HDAC9: variants seen among roughly 807,000 people sequenced by gnomAD.
The protein encoded by HDAC9 is MEF-2 interacting transcription repressor (MITR) protein.
HDAC9 carries 41 observed loss-of-function variants against 139.4 expected under a neutral mutation model. That is an observed-to-expected ratio of 0.29 (90% CI 0.23 to 0.38). HDAC9 has a LOEUF of 0.38. Among genes scored for constraint, HDAC9 ranks in the 10% least tolerant of loss-of-function variants. The pLI is 1.00. For missense variants in HDAC9, 1,147 were observed against 1,297.0 expected (o/e 0.88, Z 1.78); for synonymous variants, 517 against 476.2 (o/e 1.09, Z -1.12).
At chr7:18,386,177 A>G (rs544367848) in intron 1 of HDAC9, among the ~76,000 whole-genome samples, 8 of 152,226 alleles carry the variant, frequency 5.3e-5, no homozygotes, top group Admixed American at 1.3e-4. Flanking sequence ...ACTCCCATAG[A>G]TTGCTTGTTT....
chr7:18,786,796 T>C (rs1476472), intron 16 of HDAC9, among the ~76,000 whole-genome samples: 8,768 of 39,866 alleles, frequency 0.22, 1,119 homozygotes, highest in Non-Finnish European at 0.33. Context: ...TCTTTCTTTC[T>C]TTCCTTCCTT....
chr7:18,691,283 A>C (rs368081522), intron 12 of HDAC9, among the ~76,000 whole-genome samples: 17 of 152,148 alleles, frequency 1.1e-4, no homozygotes, highest in Admixed American at 1.1e-3. Context: ...TTTGCAATTT[A>C]AGTATTTAAC....
chr7:18,524,861 CAT>C (rs1253243660), intron 2 of HDAC9, among the ~76,000 whole-genome samples: 2 of 135,640 alleles, frequency 1.5e-5, no homozygotes, highest in South Asian at 2.4e-4. Context: ...AACTTAGTGA[CAT>C]ACACACACAC....
chr7:18,719,291 T>A (rs1457420296), intron 12 of HDAC9, among the ~76,000 whole-genome samples: 2 of 151,014 alleles, frequency 1.3e-5, no homozygotes, highest in African/African-American at 2.4e-5. Context: ...CAACATTTTT[T>A]AACCTCAATG....
upstream of HDAC9, among the ~76,000 whole-genome samples, chr7:18,289,532 C>T (rs1047443172): frequency 3.9e-5 from 6 of 152,098 alleles, no homozygotes; most frequent in South Asian, 2.1e-4. Flanking sequence ...CCTAGCCAAT[C>T]AAAAGCAAGA....
intron 21 of HDAC9, among the ~76,000 whole-genome samples, chr7:18,839,621 C>A (rs534506394): frequency 1.3e-4 from 20 of 152,138 alleles, no homozygotes; most frequent in African/African-American, 4.8e-4. Flanking sequence ...GCGAACCTAG[C>A]AAAAGTCTGA....
At chr7:18,420,314 C>T (rs779293558) in intron 1 of HDAC9, among the ~76,000 whole-genome samples, 16 of 152,186 alleles carry the variant, frequency 1.1e-4, no homozygotes, top group Non-Finnish European at 2.4e-4. Flanking sequence ...TCACTGACTT[C>T]TCTCATGTTA....
chr7:18,730,065 C>T (rs1253848910), intron 13 of HDAC9, among the ~76,000 whole-genome samples: 4 of 152,196 alleles, frequency 2.6e-5, no homozygotes, highest in African/African-American at 4.8e-5. Context: ...CATCTTTACA[C>T]TGAAAATCTT....
Position 18,996,224 on chromosome 7 carries a change from G to A in HDAC9, c.*162G>A. On this transcript the variant is annotated 3_prime_UTR_variant, in exon 26 of 26. Transcript: ENST00000686413. ...TGAACAGCAGCTTCACTTGTTCTTT[G>A]GATGGACTTGAAAGGGCATTAAAGA... The A allele has an allele frequency of 1.8e-6, 1 of 540,750 alleles. No homozygotes were observed. Among genetic ancestry groups the A allele is most frequent in the Non-Finnish European group, 3.3e-6 (1 of 299,520 alleles). 33.5% of individuals were successfully genotyped at this position (540,750 alleles called of 1,614,324 possible).
intron 1 of HDAC9, among the ~76,000 whole-genome samples, chr7:18,332,454 G>T (rs2128648949): frequency 6.6e-6 from 1 of 151,096 alleles, no homozygotes; most frequent in East Asian, 2.0e-4. Flanking sequence ...CTTGACTGTT[G>T]CTTTTCTTCT....
At chr7:18,663,612 C>A (rs998821817) in intron 11 of HDAC9, among the ~76,000 whole-genome samples, 14 of 152,112 alleles carry the variant, frequency 9.2e-5, no homozygotes, top group Non-Finnish European at 2.1e-4. Flanking sequence ...TGGCAGGATC[C>A]TTTGAACACC....
At chr7:18,496,348 G>C in intron 2 of HDAC9, 24 bp downstream of exon 2, 1 of 1,606,280 alleles carries the variant, frequency 6.2e-7, no homozygotes. Flanking sequence ...TCATAACTGA[G>C]ACGTTTTAGG....
intron 21 of HDAC9, among the ~76,000 whole-genome samples, chr7:18,859,438 A>C (rs1464717735): frequency 6.6e-6 from 1 of 151,920 alleles, no homozygotes; most frequent in African/African-American, 2.4e-5. Context: ...TTCAGGCCCC[A>C]AGTTCTTTCT....
chr7:18,889,766 T>C (rs1800510647), intron 22 of HDAC9, among the ~76,000 whole-genome samples: 1 of 152,204 alleles, frequency 6.6e-6, no homozygotes. Context: ...GGTGCAATTA[T>C]GGTTCATTGC....
rs536010299 is a variant in HDAC9, at chr7:18,805,459, G to T, written c.2322+12007G>T. 3.6e-4 allele frequency among the ~76,000 whole-genome samples: 55 copies of T among 152,334 alleles called. No homozygotes were observed. The South Asian group carries it at 5.4e-3, about 15-fold the overall frequency. On this transcript the variant is annotated intron_variant, in intron 17 of 25. Transcript: ENST00000686413. The stretch of plus-strand genomic sequence containing the variant: ...CGTGCCCATGTGGATAGGTCCAAGA[G>T]AGAGAAGTCAGCAGCTGCACAGATG...
intron 2 of HDAC9, among the ~76,000 whole-genome samples, chr7:18,185,910 T>C (rs887720341): frequency 1.2e-4 from 18 of 152,230 alleles, no homozygotes; most frequent in African/African-American, 4.3e-4. Context: ...TTGATCATTC[T>C]GGGCCTATGT....
intron 13 of HDAC9, among the ~76,000 whole-genome samples, chr7:18,733,262 A>T (rs1229039835): frequency 1.4e-5 from 2 of 142,042 alleles, no homozygotes; most frequent in Admixed American, 7.0e-5. Context: ...TATAATGTAT[A>T]TATACACAGG....
intron 23 of HDAC9, among the ~76,000 whole-genome samples, 187 bp from the exon 24 acceptor site, chr7:18,953,959 C>T (rs1254074249): frequency 6.6e-6 from 1 of 152,014 alleles, no homozygotes; most frequent in Non-Finnish European, 1.5e-5. Context: ...CCTTGGAATT[C>T]AATTACATGG....
chr7:18,324,623 A>G (rs184164365), intron 1 of HDAC9, among the ~76,000 whole-genome samples: 186 of 152,264 alleles, frequency 1.2e-3, no homozygotes, highest in Non-Finnish European at 2.4e-3. Flanking sequence ...GTTGGCAGAA[A>G]TTGCAATGCC....
Sources: gnomAD v4.1 joint callset for allele counts (sites outside exome capture counted in the v4.1 genomes callset) on GRCh38, gnomAD v4.1.1 for gene constraint, MANE v1.5 for transcripts, NCBI Gene and HGNC (gene_info 2026-07-23, HGNC 2026-07-21) for gene names.